PRRX1: variants seen among roughly 807,000 people sequenced by gnomAD.
PRRX1 encodes paired mesoderm homeobox protein 1.
A neutral mutation model predicts 24.0 loss-of-function variants in PRRX1; 8 were observed. That is an observed-to-expected ratio of 0.33 (90% CI 0.20 to 0.60). The LOEUF is 0.60. Ranked by LOEUF, PRRX1 falls within the 20% of genes least tolerant of loss-of-function variation. The probability of loss-of-function intolerance (pLI) is 0.82; values close to 1 mark genes in which losing one functional copy is unlikely to be tolerated. For missense variants in PRRX1, 281 were observed against 322.4 expected (o/e 0.87, Z 0.98); for synonymous variants, 160 against 131.7 (o/e 1.22, Z -1.47).
At chr1:170,682,808 T>C (rs1184766750) in intron 1 of PRRX1, among the ~76,000 whole-genome samples, 1 of 152,188 alleles carries the variant, frequency 6.6e-6, no homozygotes, top group East Asian at 1.9e-4. Context: ...TTGTGATTAG[T>C]AAGTTTTATG....
intron 1 of PRRX1, among the ~76,000 whole-genome samples, chr1:170,674,704 C>CT (rs201050966): frequency 5.3e-5 from 8 of 151,130 alleles, no homozygotes; most frequent in Admixed American, 2.0e-4. Flanking sequence ...TTTTGTAATC[C>CT]TTTTTTTTCT....
At chr1:170,722,733 C>G (rs1655129713) in intron 2 of PRRX1, 1 of 152,196 alleles carries the variant, frequency 6.6e-6, no homozygotes, top group Non-Finnish European at 1.5e-5. Flanking sequence ...AAACAACTCA[C>G]AGGACAAATC....
intron 1 of PRRX1, among the ~76,000 whole-genome samples, chr1:170,681,999 G>T (rs1653562410): frequency 6.6e-6 from 1 of 152,112 alleles, no homozygotes; most frequent in African/African-American, 2.4e-5. Context: ...AAATTCATTT[G>T]TCCAAATGCA....
intron 1 of PRRX1, among the ~76,000 whole-genome samples, chr1:170,685,884 T>C (rs1318322908): frequency 7.2e-6 from 1 of 138,376 alleles, no homozygotes; most frequent in East Asian, 2.0e-4. Flanking sequence ...TGAGTGTAAT[T>C]GATTTTTTTT....
intron 1 of PRRX1, among the ~76,000 whole-genome samples, chr1:170,665,276 C>A (rs1011097269): frequency 6.6e-6 from 1 of 152,228 alleles, no homozygotes; most frequent in Non-Finnish European, 1.5e-5. Flanking sequence ...GGCTCTTAAA[C>A]GCCCAGAAAA....
intron 3 of PRRX1, among the ~76,000 whole-genome samples, chr1:170,734,222 GAT>G (rs1491190259): frequency 4.8e-5 from 4 of 84,086 alleles, no homozygotes; most frequent in Non-Finnish European, 6.4e-5. Flanking sequence ...ATATTGGTAA[GAT>G]TTTTTTTTTT....
intron 1 of PRRX1, among the ~76,000 whole-genome samples, chr1:170,664,781 C>G (rs569565274): frequency 1.1e-4 from 16 of 152,342 alleles, no homozygotes; most frequent in Middle Eastern, 3.4e-3. Flanking sequence ...TCATCCCGCA[C>G]GCGGGGCGGC....
chr1:170,702,511 C>T (rs1654418238), intron 1 of PRRX1, among the ~76,000 whole-genome samples: 1 of 152,120 alleles, frequency 6.6e-6, no homozygotes, highest in African/African-American at 2.4e-5. Context: ...TGTGTGCAGG[C>T]AAAGCAGATC....
rs985012418 is a variant in PRRX1 at position 170,736,987 on chromosome 1, T to C, written c.*801T>C. The stretch of plus-strand genomic sequence containing the variant: ...AAAGATATTTGTTGTCTTTGAATGA[T>C]TTGCTGTCACAGACTATTTGGTAGA... On this transcript the variant is annotated 3_prime_UTR_variant, in exon 4 of 4. Coordinates refer to ENST00000239461, the MANE Select transcript of PRRX1 (RefSeq NM_022716.4). 1 of 198,794 alleles carries C rather than the reference T, an allele frequency of 5.0e-6. No homozygotes were observed. The highest frequency in any genetic ancestry group is 1.0e-5 in the Non-Finnish European group (1 of 95,894). The allele number at this position is 198,794 out of a possible 1,614,324, so 12.3% of individuals were successfully genotyped here.
intron 3 of PRRX1, 73 bp downstream of exon 3, chr1:170,726,474 T>C: frequency 6.6e-7 from 1 of 1,511,110 alleles, no homozygotes; most frequent in Non-Finnish European, 9.2e-7. Context: ...TTCAAGCTGC[T>C]TGTGCAGCTC....
chr1:170,690,440 G>A (rs1196854216), intron 1 of PRRX1, among the ~76,000 whole-genome samples: 1 of 152,100 alleles, frequency 6.6e-6, no homozygotes, highest in Non-Finnish European at 1.5e-5. Flanking sequence ...TAGACTTGGA[G>A]AGAGAAGTTA....
intron 2 of PRRX1, among the ~76,000 whole-genome samples, chr1:170,721,307 G>C (rs1655077534): frequency 6.6e-6 from 1 of 152,178 alleles, no homozygotes; most frequent in African/African-American, 2.4e-5. Context: ...ATTATTGTTT[G>C]TATATCTATG....
At chr1:170,664,536 C>G (rs757136068) in intron 1 of PRRX1, 77 bp downstream of exon 1, 20 of 1,509,306 alleles carry the variant, frequency 1.3e-5, no homozygotes, top group African/African-American at 1.1e-4. Flanking sequence ...AGCTAGAGCC[C>G]GTCCGCGGCC....
rs1262044429 is a variant in PRRX1, at chr1:170,689,889, T to C, written c.241+25430T>C. Among the ~76,000 whole-genome samples, 3 of 151,544 alleles carry C rather than the reference T, an allele frequency of 2.0e-5. No homozygotes were observed. The South Asian group carries it at 6.3e-4, about 32-fold the overall frequency. Reference sequence around the variant, plus strand: ...CTCTCTCTCTCTGTGGGTGTGTGTGTGTGCGTGTGTGTGTGTGTGTGAGAG... The same window carrying C: ...CTCTCTCTCTCTGTGGGTGTGTGTGCGTGCGTGTGTGTGTGTGTGTGAGAG... On this transcript the variant is annotated intron_variant, in intron 1 of 3. Coordinates refer to ENST00000239461, the MANE Select transcript of PRRX1 (RefSeq NM_022716.4).
Position 170,666,850 on chromosome 1 carries a change from G to T in PRRX1, c.241+2391G>T, listed in dbSNP as rs1048937796. Among the ~76,000 whole-genome samples the T allele has an allele frequency of 9.2e-5, 14 of 152,186 alleles. No homozygotes were observed. The South Asian group carries it at 1.0e-3, about 11-fold the overall frequency. ...GGCCTTAGAGTGGGTATGGAGCCGG[G>T]CTGGCCAGAGGAAGCTAGCTATGGA... On this transcript the variant is annotated intron_variant, in intron 1 of 3. Coordinates refer to ENST00000239461, the MANE Select transcript of PRRX1 (RefSeq NM_022716.4).
intron 1 of PRRX1, chr1:170,668,701 C>T (rs1653036447): frequency 6.6e-6 from 1 of 152,190 alleles, no homozygotes; most frequent in Non-Finnish European, 1.5e-5. Context: ...TAGGGCGCTC[C>T]CAAGTTGGAA....
chr1:170,720,373 G>A (rs1329056080), intron 2 of PRRX1, among the ~76,000 whole-genome samples: 1 of 152,136 alleles, frequency 6.6e-6, no homozygotes, highest in Non-Finnish European at 1.5e-5. Context: ...GTCAGCATGA[G>A]GATAGAATCC....
In PRRX1 at chr1:170,726,339, C is replaced by A. The variant is rs777067027; in HGVS notation, c.537C>A (p.Ile179=). The A allele has an allele frequency of 1.2e-6, 2 of 1,614,112 alleles. No individual in the cohort carries two copies. Among genetic ancestry groups the A allele is most frequent in the Middle Eastern group, 1.6e-4 (1 of 6,062 alleles). Residue 179 remains isoleucine, a synonymous_variant, in exon 3 of 4, where the codon ATC becomes ATA. Transcript: ENST00000239461. Reference sequence around the variant, plus strand: ...ACGTGACTGCTGTGGAGCAGCCCATCGTACCTCGTCCTGCTCCGAGACCCA... The same window carrying A: ...ACGTGACTGCTGTGGAGCAGCCCATAGTACCTCGTCCTGCTCCGAGACCCA... ...SGDVTAVEQP[I]VPRPAPRPTD...
At chr1:170,731,450 G>A (rs140373388) in intron 3 of PRRX1, among the ~76,000 whole-genome samples, 1 of 152,254 alleles carries the variant, frequency 6.6e-6, no homozygotes, top group African/African-American at 2.4e-5. Context: ...ACAAAGAGTT[G>A]AAAATAGAGT....
Sources: gnomAD v4.1 joint callset for allele counts (sites outside exome capture counted in the v4.1 genomes callset) on GRCh38, gnomAD v4.1.1 for gene constraint, MANE v1.5 for transcripts, NCBI Gene and HGNC (gene_info 2026-07-23, HGNC 2026-07-21) for gene names.